The following CPNE5 variants were observed in gnomAD, a reference collection of about 807,000 sequenced individuals.
CPNE5 encodes copine 5, also known as copine-5.
A neutral mutation model predicts 81.1 loss-of-function variants in CPNE5; 42 were observed. The observed-to-expected ratio is 0.52, with a 90% CI of 0.40 to 0.67. The LOEUF is 0.67. Ranked by LOEUF, CPNE5 falls within the 30% of genes least tolerant of loss-of-function variation. The probability of loss-of-function intolerance (pLI) is 0.00; values close to 1 mark genes in which losing one functional copy is unlikely to be tolerated. For missense variants in CPNE5, 612 were observed against 815.5 expected (o/e 0.75, Z 3.04); for synonymous variants, 313 against 321.5 (o/e 0.97, Z 0.28).
rs995600576 is a variant in CPNE5 at position 36,815,324 on chromosome 6, C to T, written c.183+6790G>A. ...CCCCTTTGCACCCCCAGCATTCATC[C>T]CCCAGCACATAGTAGGTGCCTGCTG... On this transcript the variant is annotated intron_variant, in intron 3 of 20. Transcript: ENST00000244751. 4.6e-5 allele frequency among the ~76,000 whole-genome samples: 7 copies of T among 152,148 alleles called. No individual in the cohort carries two copies. In the East Asian group the frequency reaches 1.3e-3, roughly 29 times the overall value.
At chr6:36,761,456 G>C (rs1766019881) in intron 12 of CPNE5, among the ~76,000 whole-genome samples, 1 of 152,230 alleles carries the variant, frequency 6.6e-6, no homozygotes, top group African/African-American at 2.4e-5. Context: ...AGTCTAGTTG[G>C]AACACAAGAC....
intron 1 of CPNE5, among the ~76,000 whole-genome samples, chr6:36,836,950 G>T (rs1000380044): frequency 1.3e-5 from 2 of 152,140 alleles, no homozygotes; most frequent in Non-Finnish European, 2.9e-5. Context: ...CAGGCCCCAG[G>T]TCAGGGCCTT....
At chr6:36,750,743 C>A (rs966478536) in intron 14 of CPNE5, among the ~76,000 whole-genome samples, 4 of 152,174 alleles carry the variant, frequency 2.6e-5, no homozygotes, top group African/African-American at 7.2e-5. Context: ...GTCCCGCTCC[C>A]AGGGCCACTC....
intron 9 of CPNE5, 46 bp downstream of exon 9, chr6:36,778,808 G>T (rs1443696972): frequency 2.3e-6 from 3 of 1,333,286 alleles, no homozygotes; most frequent in African/African-American, 1.4e-5. Flanking sequence ...CTTGACCCCA[G>T]AAGGGACGAG....
At chr6:36,782,538 C>T (rs1474381227) in intron 8 of CPNE5, among the ~76,000 whole-genome samples, 1 of 152,186 alleles carries the variant, frequency 6.6e-6, no homozygotes, top group Non-Finnish European at 1.5e-5. Flanking sequence ...GGTACAGTGG[C>T]TCATGCCTGT....
At chr6:36,760,492 G>A (rs2150406993) in intron 12 of CPNE5, among the ~76,000 whole-genome samples, 1 of 152,258 alleles carries the variant, frequency 6.6e-6, no homozygotes, top group East Asian at 1.9e-4. Context: ...AAGGAAGAAA[G>A]GAGGCTGTGG....
At chr6:36,787,295 G>A (rs1768649247) in intron 8 of CPNE5, among the ~76,000 whole-genome samples, 1 of 151,966 alleles carries the variant, frequency 6.6e-6, no homozygotes, top group African/African-American at 2.4e-5. Flanking sequence ...AGGCTGCTAA[G>A]TTCCCCAGCT....
chr6:36,783,778 T>A (rs1768272263), intron 8 of CPNE5, among the ~76,000 whole-genome samples: 1 of 152,166 alleles, frequency 6.6e-6, no homozygotes, highest in South Asian at 2.1e-4. Context: ...CCTCCCAAAG[T>A]GTTGGAATTA....
At chr6:36,783,028 C>A (rs1455169939) in intron 8 of CPNE5, among the ~76,000 whole-genome samples, 2 of 152,074 alleles carry the variant, frequency 1.3e-5, no homozygotes, top group East Asian at 3.8e-4. Flanking sequence ...AAGGAGATGG[C>A]CTGTGTCACA....
intron 3 of CPNE5, among the ~76,000 whole-genome samples, chr6:36,800,949 G>A (rs907447472): frequency 1.3e-5 from 2 of 152,162 alleles, no homozygotes; most frequent in African/African-American, 4.8e-5. Flanking sequence ...AGCAAATCTT[G>A]CCCAGTTGAA....
intron 1 of CPNE5, among the ~76,000 whole-genome samples, chr6:36,832,427 T>G (rs1424401325): frequency 2.6e-5 from 4 of 152,114 alleles, no homozygotes; most frequent in Non-Finnish European, 2.9e-5. Flanking sequence ...GAAAGGAAAG[T>G]TTGCTGAGAG....
chr6:36,834,855 C>T (rs1173222314), intron 1 of CPNE5, among the ~76,000 whole-genome samples: 2 of 152,124 alleles, frequency 1.3e-5, no homozygotes, highest in Non-Finnish European at 2.9e-5. Flanking sequence ...CGCCCTCCCC[C>T]AGGCTCCTCC....
rs989108705 is a variant in CPNE5 at position 36,839,001 on chromosome 6, T to C, written c.95+282A>G. Among the ~76,000 whole-genome samples the C allele has an allele frequency of 6.6e-5, 10 of 152,116 alleles. No individual in the cohort carries two copies. Among genetic ancestry groups the C allele is most frequent in the South Asian group, 2.1e-4 (1 of 4,826 alleles). ...CCTTTTACCAACTCCCTCTCCCCAC[T>C]TGGGTGCCTGGACCCCCTGTTCCTG... On this transcript the variant is annotated intron_variant, in intron 1 of 20. Transcript: ENST00000244751. This position sits in a 1 kb window ranked among gnomAD's most constrained non-coding sequence, Gnocchi z 7.3.
intron 1 of CPNE5, among the ~76,000 whole-genome samples, chr6:36,832,819 T>C (rs1262593763): frequency 1.4e-5 from 2 of 148,110 alleles, no homozygotes; most frequent in African/African-American, 2.5e-5. Flanking sequence ...CCCTACCCTT[T>C]CTTCCCAAGG....
intron 14 of CPNE5, among the ~76,000 whole-genome samples, chr6:36,750,901 A>G (rs924134044): frequency 6.6e-6 from 1 of 152,194 alleles, no homozygotes; most frequent in African/African-American, 2.4e-5. Context: ...AAAGGAAGCA[A>G]TTGGAAAGCA....
intron 7 of CPNE5, 115 bp from the exon 8 acceptor site, chr6:36,792,211 T>C: frequency 8.8e-7 from 1 of 1,130,852 alleles, no homozygotes; most frequent in Non-Finnish European, 1.3e-6. Flanking sequence ...ATCCAGCAGA[T>C]CACCCCAAAG....
chr6:36,802,537 A>G (rs1770216836), intron 3 of CPNE5, among the ~76,000 whole-genome samples: 1 of 152,210 alleles, frequency 6.6e-6, no homozygotes, highest in Non-Finnish European at 1.5e-5. Flanking sequence ...TATTTACCAG[A>G]GTCTCAAAGT....
intron 1 of CPNE5, among the ~76,000 whole-genome samples, chr6:36,825,614 G>A (rs768754191): frequency 4.6e-5 from 7 of 152,176 alleles, no homozygotes; most frequent in Non-Finnish European, 1.0e-4. Context: ...TCAGATGAAC[G>A]ATAAACAAGG....
At chr6:36,835,748 A>G (rs1302663592) in intron 1 of CPNE5, among the ~76,000 whole-genome samples, 2 of 151,682 alleles carry the variant, frequency 1.3e-5, no homozygotes, top group Non-Finnish European at 2.9e-5. Context: ...GTGAGCTGAG[A>G]TCGCGCCTTT....
Sources: allele counts gnomAD v4.1 joint callset (sites outside exome capture counted in the v4.1 genomes callset), GRCh38; gene constraint gnomAD v4.1.1; non-coding constraint Gnocchi (gnomAD v3.1); transcripts MANE v1.5; gene names NCBI Gene and HGNC (gene_info 2026-07-23, HGNC 2026-07-21).